PPARGC1A: variants seen among roughly 807,000 people sequenced by gnomAD.
PPARGC1A encodes PPARG coactivator 1 alpha.
PPARGC1A carries 25 observed loss-of-function variants against 88.7 expected under a neutral mutation model. The observed-to-expected ratio is 0.28, with a 90% CI of 0.21 to 0.39. The LOEUF (loss-of-function observed/expected upper bound fraction) is 0.39, where lower values mean the gene tolerates loss of function less well. PPARGC1A is among the 10% of genes least tolerant of loss of function. The probability of loss-of-function intolerance (pLI) is 1.00; values close to 1 mark genes in which losing one functional copy is unlikely to be tolerated. For synonymous variants in PPARGC1A, 363 were observed against 355.6 expected (o/e 1.02, Z -0.24); for missense variants, 880 against 968.7 (o/e 0.91, Z 1.22).
At chr4:23,809,973 G>T (rs1162618177) in intron 10 of PPARGC1A, among the ~76,000 whole-genome samples, 2 of 152,062 alleles carry the variant, frequency 1.3e-5, no homozygotes, top group Non-Finnish European at 2.9e-5. Flanking sequence ...ACACTGTATT[G>T]CCTGTTTGTG....
chr4:24,211,561 G>T, the PPARGC1A span, among the ~76,000 whole-genome samples: 37 of 152,210 alleles, frequency 2.4e-4, 1 homozygote, highest in South Asian at 7.3e-3. Flanking sequence ...TCTAAGAAAA[G>T]GTAAGTTGGA....
chr4:24,139,996 C>G, the PPARGC1A span, among the ~76,000 whole-genome samples: 1 of 152,208 alleles, frequency 6.6e-6, no homozygotes, highest in African/African-American at 2.4e-5. Context: ...TGCTCCTTCC[C>G]TGTGACAAAT....
chr4:24,186,442 C>T, the PPARGC1A span, among the ~76,000 whole-genome samples: 1 of 152,072 alleles, frequency 6.6e-6, no homozygotes, highest in Admixed American at 6.6e-5. Context: ...GGGTTCAAAT[C>T]CATAATGTGC....
the PPARGC1A span, among the ~76,000 whole-genome samples, chr4:24,465,246 C>T: frequency 1.3e-5 from 2 of 152,292 alleles, no homozygotes; most frequent in Non-Finnish European, 2.9e-5. Context: ...GTACCATATT[C>T]TAGACACTGC....
At chr4:24,045,427 A>G in the PPARGC1A span, among the ~76,000 whole-genome samples, 5 of 152,204 alleles carry the variant, frequency 3.3e-5, no homozygotes, top group East Asian at 7.7e-4. Flanking sequence ...TTAAAGCAAC[A>G]TTTATTCTTT....
intron 10 of PPARGC1A, 29 bp downstream of exon 10, chr4:23,812,718 A>G: frequency 6.2e-7 from 1 of 1,611,080 alleles, no homozygotes; most frequent in Non-Finnish European, 8.5e-7. Flanking sequence ...ACCCTACTTT[A>G]AAATAAAAGT....
rs1729209337 is a variant in PPARGC1A at position 23,851,070 on chromosome 4, C to T, written c.235-19319G>A. 2.0e-5 allele frequency among the ~76,000 whole-genome samples: 3 copies of T among 152,132 alleles called. No homozygotes were observed. The South Asian group carries it at 6.2e-4, about 31-fold the overall frequency. On this transcript the variant is annotated intron_variant, in intron 2 of 12. Coordinates refer to ENST00000264867, the MANE Select transcript of PPARGC1A (RefSeq NM_013261.5). ...GTTCAGAAGTTTCATTACATTCTGA[C>T]AATTAAGTTGCTAATAAAGTGAGGA...
chr4:24,030,568 A>C, the PPARGC1A span, among the ~76,000 whole-genome samples: 1 of 152,190 alleles, frequency 6.6e-6, no homozygotes, highest in African/African-American at 2.4e-5. Flanking sequence ...TACAGCAGTT[A>C]CTGTTCCCAT....
At chr4:24,148,766 G>A in the PPARGC1A span, among the ~76,000 whole-genome samples, 16 of 152,202 alleles carry the variant, frequency 1.1e-4, no homozygotes. Context: ...TCACACATAA[G>A]AAATGTACTT....
the PPARGC1A span, among the ~76,000 whole-genome samples, chr4:24,449,970 A>G: frequency 3.3e-5 from 5 of 152,220 alleles, no homozygotes; most frequent in Non-Finnish European, 7.3e-5. Flanking sequence ...CAGGAAAGAA[A>G]TATTTAAACC....
At chr4:23,833,555 A>G (rs918399185) in intron 2 of PPARGC1A, among the ~76,000 whole-genome samples, 1 of 152,244 alleles carries the variant, frequency 6.6e-6, no homozygotes, top group African/African-American at 2.4e-5. Context: ...ACTGAACTCC[A>G]GTTAATTGAC....
At chr4:24,310,302 GAA>G in the PPARGC1A span, among the ~76,000 whole-genome samples, 1 of 152,110 alleles carries the variant, frequency 6.6e-6, no homozygotes, top group Non-Finnish European at 1.5e-5. Flanking sequence ...ACAAAAATGG[GAA>G]AGTCACAAAG....
intron 2 of PPARGC1A, among the ~76,000 whole-genome samples, chr4:23,874,673 T>C (rs2148790768): frequency 6.6e-6 from 1 of 152,320 alleles, no homozygotes; most frequent in East Asian, 1.9e-4. Flanking sequence ...CAGGTGAATG[T>C]TGGCAAGATT....
the PPARGC1A span, among the ~76,000 whole-genome samples, chr4:24,044,798 G>C: frequency 6.6e-6 from 1 of 152,258 alleles, no homozygotes; most frequent in East Asian, 1.9e-4. Context: ...CAGCTGGCAG[G>C]CCACTTAGGC....
the PPARGC1A span, among the ~76,000 whole-genome samples, chr4:24,399,489 G>A: frequency 6.6e-6 from 1 of 152,124 alleles, no homozygotes; most frequent in Non-Finnish European, 1.5e-5. Context: ...AGCATGGAGA[G>A]GCAGCTCCAG....
At chr4:24,007,777 A>G in the PPARGC1A span, among the ~76,000 whole-genome samples, 1 of 152,116 alleles carries the variant, frequency 6.6e-6, no homozygotes, top group Non-Finnish European at 1.5e-5. Context: ...TGGGAAAGGT[A>G]AATGCTCAGA....
At chr4:23,876,253 G>A (rs936853845) in intron 2 of PPARGC1A, among the ~76,000 whole-genome samples, 3 of 152,092 alleles carry the variant, frequency 2.0e-5, no homozygotes, top group Non-Finnish European at 2.9e-5. Flanking sequence ...AGTGACTATT[G>A]GTAATAATAC....
the PPARGC1A span, among the ~76,000 whole-genome samples, chr4:24,125,507 T>C: frequency 1.3e-5 from 2 of 152,186 alleles, no homozygotes; most frequent in East Asian, 3.8e-4. Flanking sequence ...GAAGCAGTTC[T>C]GCAAGTAAAC....
the PPARGC1A span, among the ~76,000 whole-genome samples, chr4:24,465,009 G>T: frequency 6.6e-6 from 1 of 152,294 alleles, no homozygotes; most frequent in Non-Finnish European, 1.5e-5. Context: ...TACGATTACA[G>T]GCACACGCCA....
Sources: allele counts gnomAD v4.1 joint callset (sites outside exome capture counted in the v4.1 genomes callset), GRCh38; gene constraint gnomAD v4.1.1; transcripts MANE v1.5; gene names NCBI Gene and HGNC (gene_info 2026-07-23, HGNC 2026-07-21).